Variants in OPCML observed in about 807,000 individuals in gnomAD.
OPCML encodes the protein opioid binding protein/cell adhesion molecule like.
In OPCML, 13 loss-of-function variants were observed where a neutral mutation model predicts 37.8. That is an observed-to-expected ratio of 0.34 (90% CI 0.22 to 0.55). The LOEUF (loss-of-function observed/expected upper bound fraction) is 0.55, where lower values mean the gene tolerates loss of function less well. Ranked by LOEUF, OPCML falls within the 20% of genes least tolerant of loss-of-function variation. The pLI is 0.91. For synonymous variants in OPCML, 176 were observed against 168.8 expected (o/e 1.04, Z -0.33); for missense variants, 341 against 435.6 (o/e 0.78, Z 1.93).
At chr11:133,520,688 T>A (rs1450584434) in intron 1 of OPCML, among the ~76,000 whole-genome samples, 1 of 152,192 alleles carries the variant, frequency 6.6e-6, no homozygotes, top group Non-Finnish European at 1.5e-5. Flanking sequence ...CTACTTTTAG[T>A]AGTGACTGCA....
At position 133,309,177 on chromosome 11, in the gene OPCML, C is replaced by T. The variant is rs187038805; in HGVS notation, c.61+223087G>A. 1.3e-3 allele frequency among the ~76,000 whole-genome samples: 202 copies of T among 152,196 alleles called. 2 individuals are homozygous for T. In the Middle Eastern group the frequency reaches 0.017, roughly 13 times the overall value. On this transcript the variant is annotated intron_variant, in intron 1 of 7. Transcript: ENST00000524381. ...ATACATTTCTCTCTACAAATATTTA[C>T]AAAGGGAATAAAGTAACTGTGCAAT...
chr11:132,703,267 T>C lies in OPCML; in HGVS notation c.147-45948A>G, dbSNP rs534973466. Among the ~76,000 whole-genome samples, 81 of 152,286 alleles carry C rather than the reference T, an allele frequency of 5.3e-4. No homozygotes were observed. In the South Asian group the frequency reaches 0.016, roughly 31 times the overall value. The stretch of plus-strand genomic sequence containing the variant: ...TTGTTATTTTGTATACTGTAGGCAA[T>C]TGTAACACAAGGGTAAGTATTCATG... On this transcript the variant is annotated intron_variant, in intron 2 of 7. Coordinates refer to ENST00000524381, the MANE Select transcript of OPCML (RefSeq NM_001012393.5).
chr11:132,984,016 G>T (rs1220104281), intron 1 of OPCML, among the ~76,000 whole-genome samples: 57 of 152,180 alleles, frequency 3.7e-4, no homozygotes. Flanking sequence ...TGTGATAGAG[G>T]TCTCATAATT....
At chr11:133,307,222 A>G (rs1942943604) in intron 1 of OPCML, among the ~76,000 whole-genome samples, 1 of 152,046 alleles carries the variant, frequency 6.6e-6, no homozygotes, top group Non-Finnish European at 1.5e-5. Context: ...AAAGCTAGGG[A>G]AAATGAGAAG....
Position 133,265,209 on chromosome 11 carries a change from A to C in OPCML, c.61+267055T>G, listed in dbSNP as rs149480222. ...CCGCTTCATCCTCCTGAAACCACTC[A>C]TACTTGGACTAACTTGGAGGTTCAT... On this transcript the variant is annotated intron_variant, in intron 1 of 7. Transcript: ENST00000524381. Among the ~76,000 whole-genome samples, 10 of 152,340 alleles carry C rather than the reference A, an allele frequency of 6.6e-5. No individual in the cohort carries two copies. The Middle Eastern group carries it at 0.01, about 155-fold the overall frequency.
intron 1 of OPCML, among the ~76,000 whole-genome samples, chr11:133,499,371 A>G (rs1027453581): frequency 2.0e-5 from 3 of 152,220 alleles, no homozygotes; most frequent in African/African-American, 7.2e-5. Flanking sequence ...TTCTCCTGCT[A>G]TCCAAATAGT....
intron 2 of OPCML, among the ~76,000 whole-genome samples, chr11:132,819,978 A>G (rs1939878908): frequency 6.6e-6 from 1 of 151,958 alleles, no homozygotes; most frequent in African/African-American, 2.4e-5. Context: ...TCTATTCCTC[A>G]TCTCCATCCA....
intron 1 of OPCML, among the ~76,000 whole-genome samples, chr11:133,306,607 A>G (rs1345582009): frequency 6.6e-6 from 1 of 152,140 alleles, no homozygotes; most frequent in Admixed American, 6.5e-5. Flanking sequence ...CAATGACAAG[A>G]CTGAAAATGT....
chr11:133,194,838 C>A (rs1454106479), intron 1 of OPCML, among the ~76,000 whole-genome samples: 3 of 152,180 alleles, frequency 2.0e-5, no homozygotes, highest in African/African-American at 7.2e-5. Context: ...GCCCCTGAAT[C>A]TCTCCCCACT....
chr11:132,469,610 T>C (rs1367006367), intron 4 of OPCML, among the ~76,000 whole-genome samples: 4 of 139,168 alleles, frequency 2.9e-5, no homozygotes, highest in Non-Finnish European at 4.6e-5. Context: ...TATAGGCATG[T>C]GTGTATGTGT....
At chr11:132,903,077 C>T (rs1213604993) in intron 2 of OPCML, among the ~76,000 whole-genome samples, 1 of 152,180 alleles carries the variant, frequency 6.6e-6, no homozygotes, top group Non-Finnish European at 1.5e-5. Flanking sequence ...CCCCCATTTA[C>T]CTCTCTTTCA....
intron 4 of OPCML, among the ~76,000 whole-genome samples, chr11:132,454,011 G>T: frequency 6.6e-6 from 1 of 152,158 alleles, no homozygotes; most frequent in East Asian, 1.9e-4. Flanking sequence ...TTCATGTTTT[G>T]CCTTCTCAAC....
Position 133,046,948 on chromosome 11 carries a change from A to AT in OPCML, c.62-103939dup, listed in dbSNP as rs11361378. Among the ~76,000 whole-genome samples, 709 of 149,078 alleles carry AT rather than the reference A, an allele frequency of 4.8e-3. 4 individuals are homozygous for AT. Among genetic ancestry groups the AT allele is most frequent in the Non-Finnish European group, 6.8e-3 (453 of 67,022 alleles). On this transcript the variant is annotated intron_variant, in intron 1 of 7. Coordinates refer to ENST00000524381, the MANE Select transcript of OPCML (RefSeq NM_001012393.5). ...GGAAGGGGATATTTTTAACTTTACA[A>AT]TTTTTTTTTTTTTCAAAAGCCATTT...
intron 1 of OPCML, among the ~76,000 whole-genome samples, chr11:133,122,473 C>T (rs1486558879): frequency 6.6e-6 from 1 of 152,096 alleles, no homozygotes; most frequent in Non-Finnish European, 1.5e-5. Flanking sequence ...AGTTGTCAGG[C>T]ACTTCTGGGC....
intron 1 of OPCML, among the ~76,000 whole-genome samples, chr11:133,031,494 G>T (rs1474334440): frequency 6.6e-6 from 1 of 151,130 alleles, no homozygotes; most frequent in African/African-American, 2.4e-5. Context: ...TGGATGGATG[G>T]ATGGTTGGTT....
At position 132,640,908 on chromosome 11, in the gene OPCML, A is replaced by C. The variant is rs180860602; in HGVS notation, c.379+16179T>G. Among the ~76,000 whole-genome samples, 368 of 152,300 alleles carry C rather than the reference A, an allele frequency of 2.4e-3. 2 individuals carry two copies. The highest frequency in any genetic ancestry group is 6.0e-3 in the South Asian group (29 of 4,824). On this transcript the variant is annotated intron_variant, in intron 3 of 7. Coordinates refer to ENST00000524381, the MANE Select transcript of OPCML (RefSeq NM_001012393.5). ...TGCCATGACATGACCATCAGGGCAC[A>C]CTGCACCTCCTGGGAAGGCCCTGAG...
chr11:133,475,221 G>T (rs1363773563), intron 1 of OPCML, among the ~76,000 whole-genome samples: 3 of 125,308 alleles, frequency 2.4e-5, no homozygotes, highest in Non-Finnish European at 4.6e-5. Flanking sequence ...GTTTTTTTTT[G>T]TTGTTTTTTT....
At chr11:132,947,109 C>T (rs1300683390) in intron 1 of OPCML, among the ~76,000 whole-genome samples, 1 of 152,086 alleles carries the variant, frequency 6.6e-6, no homozygotes, top group East Asian at 1.9e-4. Context: ...CCTGGACCTG[C>T]TGGTTCTATT....
At position 133,133,470 on chromosome 11, in the gene OPCML, G is replaced by C. The variant is rs140758116; in HGVS notation, c.62-190460C>G. On this transcript the variant is annotated intron_variant, in intron 1 of 7. Coordinates refer to ENST00000524381, the MANE Select transcript of OPCML (RefSeq NM_001012393.5). ...CTCATGCAGCCCTTCCCTCACCTTC[G>C]GGCTGCTCATCATTTACTCTCCTCT... 3.6e-4 allele frequency among the ~76,000 whole-genome samples: 55 copies of C among 151,974 alleles called. 1 individual carries two copies. In the East Asian group the frequency reaches 9.7e-3, roughly 27 times the overall value.
Sources: allele counts gnomAD v4.1 joint callset (sites outside exome capture counted in the v4.1 genomes callset), GRCh38; gene constraint gnomAD v4.1.1; transcripts MANE v1.5; gene names NCBI Gene and HGNC (gene_info 2026-07-23, HGNC 2026-07-21).